Variants in BIRC2 observed in about 807,000 individuals in gnomAD.
BIRC2 encodes baculoviral IAP repeat-containing protein 2.
Under a neutral mutation model 60.9 loss-of-function variants are expected in BIRC2, and 18 were observed. The observed-to-expected ratio is 0.30, with a 90% CI of 0.20 to 0.44. The LOEUF is 0.44. Among genes scored for constraint, BIRC2 ranks in the 20% least tolerant of loss-of-function variants. BIRC2 has a pLI of 1.00. For missense variants in BIRC2, 701 were observed against 728.5 expected, an observed-to-expected ratio of 0.96 and a Z score of 0.43; for synonymous variants, 282 against 247.7, an observed-to-expected ratio of 1.14 and a Z score of -1.30.
intron 3 of BIRC2, among the ~76,000 whole-genome samples, chr11:102,360,839 C>T (rs1250866712): frequency 6.8e-6 from 1 of 147,750 alleles, no homozygotes; most frequent in Non-Finnish European, 1.5e-5. Flanking sequence ...AGGGTGAGGG[C>T]GCCAGCCAGT....
chr11:102,355,835 G>C (rs1225812935), intron 3 of BIRC2, among the ~76,000 whole-genome samples: 1 of 151,934 alleles, frequency 6.6e-6, no homozygotes, highest in Non-Finnish European at 1.5e-5. Flanking sequence ...TTACCTCCTT[G>C]GTTAAATTTA....
intron 6 of BIRC2, among the ~76,000 whole-genome samples, chr11:102,368,949 G>A (rs1009485109): frequency 6.6e-6 from 1 of 151,164 alleles, no homozygotes; most frequent in East Asian, 1.9e-4. Context: ...TTTTTAATAG[G>A]ATACTTTACT....
At chr11:102,356,122 GTATTA>G (rs1951416702) in intron 3 of BIRC2, among the ~76,000 whole-genome samples, 1 of 149,750 alleles carries the variant, frequency 6.7e-6, no homozygotes, top group African/African-American at 2.5e-5. Context: ...AACCCTTCCA[GTATTA>G]TATTGAATAG....
Position 102,363,691 on chromosome 11 carries a change from T to C in BIRC2, c.1098T>C (p.Thr366=). The C allele has an allele frequency of 6.2e-7, 1 of 1,612,304 alleles. No homozygotes were observed. The highest frequency in any genetic ancestry group is 1.1e-5 in the South Asian group (1 of 90,914). The change falls in exon 5 of 9, where the codon ACT becomes ACC. Residue 366 remains threonine, a synonymous_variant. Coordinates refer to ENST00000227758, the MANE Select transcript of BIRC2 (RefSeq NM_001166.5). The stretch of plus-strand genomic sequence containing the variant: ...AGCTGTTGTCAACTTCAGATACCAC[T>C]GGAGAAGAAAATGCTGACCCACCAA... ...LEQLLSTSDT[T]GEENADPPII...
intron 3 of BIRC2, among the ~76,000 whole-genome samples, chr11:102,356,195 C>CTTTTTTT (rs540599539): frequency 7.9e-6 from 1 of 127,018 alleles, no homozygotes; most frequent in African/African-American, 2.9e-5. Flanking sequence ...AAGCTGAAAG[C>CTTTTTTT]TTTTTTTTTT....
intron 6 of BIRC2, among the ~76,000 whole-genome samples, chr11:102,371,268 GT>G (rs1233357398): frequency 8.0e-6 from 1 of 125,410 alleles, no homozygotes; most frequent in African/African-American, 3.1e-5. Context: ...AATGCTTCCA[GT>G]TTTTGCCCAT....
chr11:102,353,327 CTTTTT>C (rs899800437), intron 3 of BIRC2, among the ~76,000 whole-genome samples: 1 of 151,890 alleles, frequency 6.6e-6, no homozygotes, highest in South Asian at 2.1e-4. Flanking sequence ...TTCTTTTTTC[CTTTTT>C]TTTATTTTTT....
At chr11:102,370,593 G>A (rs1213016609) in intron 6 of BIRC2, among the ~76,000 whole-genome samples, 1 of 136,046 alleles carries the variant, frequency 7.4e-6, no homozygotes, top group African/African-American at 2.9e-5. Flanking sequence ...TTGAAGTCAG[G>A]TAGTGTGATG....
chr11:102,360,533 TA>T (rs150923232), intron 3 of BIRC2, among the ~76,000 whole-genome samples: 3,029 of 152,092 alleles, frequency 0.02, 111 homozygotes, highest in African/African-American at 0.069. Context: ...TGTTTGTATA[TA>T]TTTTTTTATT....
chr11:102,369,951 CATAA>C (rs1300894732), intron 6 of BIRC2, among the ~76,000 whole-genome samples: 11 of 151,928 alleles, frequency 7.2e-5, no homozygotes, highest in Non-Finnish European at 1.3e-4. Context: ...TTTTTGGCTG[CATAA>C]ATGTCTTCTT....
chr11:102,360,845 C>T (rs1399805541), intron 3 of BIRC2, among the ~76,000 whole-genome samples: 11 of 149,494 alleles, frequency 7.4e-5, no homozygotes, highest in Non-Finnish European at 1.0e-4. Flanking sequence ...AGGGCGCCAG[C>T]CAGTAGGTGT....
chr11:102,370,432 C>T (rs1233378291), intron 6 of BIRC2, among the ~76,000 whole-genome samples: 1 of 135,144 alleles, frequency 7.4e-6, no homozygotes, highest in Non-Finnish European at 1.6e-5. Context: ...AATCCTTTCC[C>T]CATTGCTTGT....
chr11:102,374,424 G>A (rs1381243076), intron 6 of BIRC2, among the ~76,000 whole-genome samples: 2 of 148,276 alleles, frequency 1.3e-5, no homozygotes, highest in Non-Finnish European at 3.0e-5. Flanking sequence ...GGAATACCCT[G>A]CCGTGTGAGG....
At chr11:102,366,980 A>G (rs1951559979) in intron 5 of BIRC2, among the ~76,000 whole-genome samples, 1 of 152,106 alleles carries the variant, frequency 6.6e-6, no homozygotes, top group Admixed American at 6.6e-5. Context: ...TAAGGTTTTT[A>G]CACTTGCTGT....
rs765492965 is a variant in BIRC2, at chr11:102,377,985, A to G, written c.1664-5A>G. The G allele has an allele frequency of 3.7e-6, 6 of 1,604,488 alleles. No individual in the cohort carries two copies. Among genetic ancestry groups the G allele is most frequent in the Non-Finnish European group, 5.1e-6 (6 of 1,176,926 alleles). On this transcript the variant is annotated splice_region_variant and splice_polypyrimidine_tract_variant and intron_variant, in intron 8 of 8. Transcript: ENST00000227758. ...AATTTCACTAAAGTTATTTTTTGTT[A>G]TTAGGTCTGTCACTGGAAGAACAAT...
chr11:102,352,696 G>C (rs1951377923), intron 3 of BIRC2, among the ~76,000 whole-genome samples: 1 of 152,170 alleles, frequency 6.6e-6, no homozygotes, highest in South Asian at 2.1e-4. Context: ...CTCCGAAAGT[G>C]CTGGGATTAC....
chr11:102,378,112 G>A lies in BIRC2; in HGVS notation c.1786G>A (p.Ala596Thr), dbSNP rs1186232541. The part of the protein sequence containing the change: ...CGHLVVCQEC[A>T]PSLRKCPICR... ...TCATCTGGTAGTATGCCAGGAATGT[G>A]CCCCTTCTCTAAGAAAATGCCCTAT... is the stretch of plus-strand genomic sequence containing the variant. The change falls in exon 9 of 9, where the codon GCC (alanine) becomes ACC (threonine). Residue 596 changes from alanine to threonine, a missense_variant. Around this residue, in one of 4 missense-constraint regions of BIRC2, gnomAD observed 52 missense variants for 83.9 expected, o/e 0.62. Transcript: ENST00000227758. 1 of 1,613,452 alleles carries A rather than the reference G, an allele frequency of 6.2e-7. No homozygotes were observed. Among genetic ancestry groups the A allele is most frequent in the African/African-American group, 1.3e-5 (1 of 74,884 alleles).
intron 6 of BIRC2, 130 bp from the exon 7 acceptor site, chr11:102,377,366 A>G (rs1289989824): frequency 1.4e-5 from 11 of 790,308 alleles, no homozygotes; most frequent in Non-Finnish European, 1.9e-5. Flanking sequence ...AAATGCAAAC[A>G]AGTTACTTTG....
chr11:102,363,776 G>T, intron 5 of BIRC2, 60 bp downstream of exon 5: 1 of 1,400,864 alleles, frequency 7.1e-7, no homozygotes, highest in Non-Finnish European at 1.0e-6. Flanking sequence ...TTAGGAATAG[G>T]CTGGGTGCAG....
Sources: gnomAD v4.1 joint callset for allele counts (sites outside exome capture counted in the v4.1 genomes callset) on GRCh38, gnomAD v4.1.1 for gene constraint, gnomAD v4.1.1 regional missense constraint, MANE v1.5 for transcripts, NCBI Gene and HGNC (gene_info 2026-07-23, HGNC 2026-07-21) for gene names.